TRIM42: variants seen among roughly 807,000 people sequenced by gnomAD.
TRIM42 encodes tripartite motif-containing protein 42.
Under a neutral mutation model 64.9 loss-of-function variants are expected in TRIM42, and 59 were observed. The observed-to-expected ratio is 0.91, with a 90% CI of 0.74 to 1.13. TRIM42 has a LOEUF of 1.13. Ranked by LOEUF, TRIM42 falls within the 50% of genes most tolerant of loss-of-function variation. The pLI is 0.00. For synonymous variants in TRIM42, 354 were observed against 346.3 expected (o/e 1.02, Z -0.25); for missense variants, 878 against 929.5 (o/e 0.94, Z 0.72).
At chr3:140,695,155 C>T (rs955802110) in intron 4 of TRIM42, among the ~76,000 whole-genome samples, 10 of 151,928 alleles carry the variant, frequency 6.6e-5, no homozygotes, top group African/African-American at 1.9e-4. Flanking sequence ...GGCTGAGGCA[C>T]GAGACTCGCT....
At chr3:140,696,077 A>G (rs1262158068) in intron 4 of TRIM42, among the ~76,000 whole-genome samples, 1 of 152,170 alleles carries the variant, frequency 6.6e-6, no homozygotes, top group Non-Finnish European at 1.5e-5. Flanking sequence ...AACCTCATGT[A>G]CAGAGGTCTG....
In TRIM42 at chr3:140,678,121, C is replaced by A; in HGVS notation, c.-109C>A. On this transcript the variant is annotated 5_prime_UTR_variant, in exon 1 of 5. Transcript: ENST00000286349. ...CAACTTCTTGCAACTTTCAAGCTGA[C>A]GGCCTCAGGAATGGGAGGAAGGACT... is the stretch of plus-strand genomic sequence containing the variant. The A allele has an allele frequency of 9.8e-7, 1 of 1,017,466 alleles. No homozygotes were observed. Among genetic ancestry groups the A allele is most frequent in the Non-Finnish European group, 1.5e-6 (1 of 673,176 alleles). 63.0% of individuals were successfully genotyped at this position (1,017,466 alleles called of 1,614,324 possible). A position where few individuals can be genotyped will look rare whatever the true frequency, so the allele number is the denominator to read the frequency against.
rs761726703 is a variant in TRIM42 at position 140,698,250 on chromosome 3, T to G, written c.2086-2638T>G. On this transcript the variant is annotated intron_variant, in intron 4 of 4. Transcript: ENST00000286349. The stretch of plus-strand genomic sequence containing the variant: ...GAGTAACTTGAATTCTTAGAAAACA[T>G]TCAGATAGAATTTATTCAGAAGGCA... 1.8e-4 allele frequency among the ~76,000 whole-genome samples: 27 copies of G among 152,210 alleles called. 1 individual carries two copies. Among genetic ancestry groups the G allele is most frequent in the Admixed American group, 1.7e-3 (26 of 15,282 alleles).
In TRIM42 at chr3:140,678,517, C is replaced by T; in HGVS notation, c.288C>T (p.Cys96=). 5 of 1,614,130 alleles carry T rather than the reference C, an allele frequency of 3.1e-6. No individual in the cohort carries two copies. Among genetic ancestry groups the T allele is most frequent in the Admixed American group, 1.7e-5 (1 of 60,020 alleles). Residue 96 remains cysteine, a synonymous_variant, in exon 1 of 5, where the codon TGC becomes TGT. Transcript: ENST00000286349. ...GCTACTACTATGAGAGCCGCTGCTG[C>T]CGCAATACCATCATCACTTTCCACA... ...LNCYYYESRC[C]RNTIITFHKG...
rs547629001 is a variant in TRIM42 at position 140,678,121 on chromosome 3, C to T, written c.-109C>T. The T allele has an allele frequency of 1.5e-5, 15 of 1,017,466 alleles. No homozygotes were observed. The highest frequency in any genetic ancestry group is 2.4e-5 in the East Asian group (1 of 41,786). The allele number at this position is 1,017,466 out of a possible 1,614,324, so 63.0% of individuals were successfully genotyped here. On this transcript the variant is annotated 5_prime_UTR_variant, in exon 1 of 5. The change creates a new upstream start codon in the 5' untranslated region. Coordinates refer to ENST00000286349, the MANE Select transcript of TRIM42 (RefSeq NM_152616.5). ...CAACTTCTTGCAACTTTCAAGCTGA[C>T]GGCCTCAGGAATGGGAGGAAGGACT...
chr3:140,689,762 G>A (rs1232736742), intron 3 of TRIM42, among the ~76,000 whole-genome samples: 3 of 150,998 alleles, frequency 2.0e-5, no homozygotes, highest in African/African-American at 7.3e-5. Context: ...GCCCATAACT[G>A]AGCAGCTGAA....
At chr3:140,689,632 G>T (rs1038136038) in intron 3 of TRIM42, among the ~76,000 whole-genome samples, 1 of 151,780 alleles carries the variant, frequency 6.6e-6, no homozygotes, top group South Asian at 2.1e-4. Flanking sequence ...TTCTCCTGAC[G>T]CATCACAATC....
rs770356146 is a variant in TRIM42 at position 140,687,730 on chromosome 3, G to C, written c.1048G>C (p.Glu350Gln). The change falls in exon 3 of 5, where the codon GAA (glutamate) becomes CAA (glutamine). Residue 350 changes from glutamate (E) to glutamine (Q), a missense_variant. Transcript: ENST00000286349. ...AIAKFKAVRY[E>Q]IDNDLMEFNI... ...ACTTGGCATTTTTGCAGTCCGATAT[G>C]AAATTGATAATGACCTAATGGAATT... 16 of 1,602,358 alleles carry C rather than the reference G, an allele frequency of 1.0e-5. No individual in the cohort carries two copies. The highest frequency in any genetic ancestry group is 1.7e-4 in the Middle Eastern group (1 of 6,014).
chr3:140,685,676 C>T (rs1193468740), intron 2 of TRIM42, among the ~76,000 whole-genome samples: 7 of 151,976 alleles, frequency 4.6e-5, no homozygotes. Flanking sequence ...TTTTTTTTAA[C>T]ACTCTCTCAG....
intron 1 of TRIM42, among the ~76,000 whole-genome samples, chr3:140,681,671 C>T (rs1988398021): frequency 6.6e-6 from 1 of 151,612 alleles, no homozygotes; most frequent in South Asian, 2.1e-4. Context: ...TGAGAACACA[C>T]CTGTAGTTGG....
intron 4 of TRIM42, among the ~76,000 whole-genome samples, chr3:140,691,809 ATC>A (rs1435270129): frequency 6.6e-6 from 1 of 152,182 alleles, no homozygotes; most frequent in Non-Finnish European, 1.5e-5. Context: ...TCTTCTTTAT[ATC>A]TCCAGGGAAT....
intron 1 of TRIM42, among the ~76,000 whole-genome samples, chr3:140,679,518 G>A (rs774794496): frequency 7.9e-5 from 12 of 152,186 alleles, no homozygotes; most frequent in Non-Finnish European, 1.6e-4. Flanking sequence ...GCAATTCTGT[G>A]AGCAAAGGTT....
intron 3 of TRIM42, among the ~76,000 whole-genome samples, chr3:140,688,812 C>T (rs1223669299): frequency 3.3e-5 from 5 of 152,234 alleles, no homozygotes; most frequent in Non-Finnish European, 7.3e-5. Flanking sequence ...GCAAAGGCAG[C>T]TTCTCAACTG....
chr3:140,682,649 G>T lies in TRIM42; in HGVS notation c.529G>T (p.Ala177Ser). 6.2e-7 allele frequency: 1 copy of T among 1,613,642 alleles called. No homozygotes were observed. The highest frequency in any genetic ancestry group is 8.5e-7 in the Non-Finnish European group (1 of 1,180,032). Reference sequence around the variant, plus strand: ...GTGCCTGCGGCAGCTGCAGAAGCACGCCGAGGTCACCGAGAACTTCTTCAT... The same window carrying T: ...GTGCCTGCGGCAGCTGCAGAAGCACTCCGAGGTCACCGAGAACTTCTTCAT... ...EKCLRQLQKH[A>S]EVTENFFILI... is the part of the protein sequence containing the mutation. Residue 177 changes from alanine to serine, a missense_variant, in exon 2 of 5, where the codon GCC (alanine) becomes TCC (serine). Physicochemically the swap from Ala to Ser is moderately conservative, Grantham distance 99. Transcript: ENST00000286349.
Position 140,688,269 on chromosome 3 carries a change from C to T in TRIM42, c.1587C>T (p.Asn529=), listed in dbSNP as rs763635048. The change falls in exon 3 of 5, where the codon AAC becomes AAT. Residue 529 remains asparagine (N), a synonymous_variant. Transcript: ENST00000286349. ...CTTTCAGCACCCACAGCCTCGGCAACCAGCACATATACCAGCGAAGCTCCT... is the reference window on the plus strand; with the variant it reads ...CTTTCAGCACCCACAGCCTCGGCAATCAGCACATATACCAGCGAAGCTCCT... ...KVTFSTHSLG[N]QHIYQRSSSM... is the part of the protein sequence containing the mutation. 4.3e-6 allele frequency: 7 copies of T among 1,614,100 alleles called. No homozygotes were observed. The African/African-American group carries it at 5.3e-5, about 12-fold the overall frequency.
chr3:140,688,209 C>T lies in TRIM42; in HGVS notation c.1527C>T (p.Pro509=), dbSNP rs747322267. The change falls in exon 3 of 5, where the codon CCC becomes CCT. Residue 509 remains proline (P), a synonymous_variant. Coordinates refer to ENST00000286349, the MANE Select transcript of TRIM42 (RefSeq NM_152616.5). ...GGGACTCCCTGCCCTCCCCCTACCC[C>T]GTGCACTCAGAAACAATGATTGCCA... ...SSGDSLPSPY[P]VHSETMIARK... The T allele has an allele frequency of 2.0e-5, 32 of 1,614,098 alleles. No individual in the cohort carries two copies. Among genetic ancestry groups the T allele is most frequent in the East Asian group, 1.1e-4 (5 of 44,894 alleles).
intron 4 of TRIM42, among the ~76,000 whole-genome samples, chr3:140,698,992 T>G (rs995891556): frequency 1.1e-4 from 17 of 151,324 alleles, no homozygotes; most frequent in African/African-American, 4.1e-4. Context: ...TTTATTTAGT[T>G]TTTATGGTAT....
chr3:140,678,623 C>A, intron 1 of TRIM42, 53 bp downstream of exon 1: 1 of 1,475,076 alleles, frequency 6.8e-7, no homozygotes, highest in Non-Finnish European at 9.3e-7. Context: ...AAACTAGGGA[C>A]CACTTGCCAG....
intron 2 of TRIM42, 27 bp from the exon 3 acceptor site, chr3:140,687,695 A>T: frequency 6.4e-7 from 1 of 1,558,834 alleles, no homozygotes; most frequent in Non-Finnish European, 8.7e-7. Context: ...GAAAATTTTA[A>T]AAGTAACTAA....
Sources: allele counts gnomAD v4.1 joint callset (sites outside exome capture counted in the v4.1 genomes callset), GRCh38; gene constraint gnomAD v4.1.1; transcripts MANE v1.5; gene names NCBI Gene and HGNC (gene_info 2026-07-23, HGNC 2026-07-21).